The following RDH11 variants were observed in gnomAD, a reference collection of about 807,000 sequenced individuals.
RDH11 encodes the protein retinol dehydrogenase 11.
Under a neutral mutation model 33.4 loss-of-function variants are expected in RDH11, and 19 were observed. That is an observed-to-expected ratio of 0.57 (90% CI 0.40 to 0.83). The LOEUF (loss-of-function observed/expected upper bound fraction) is 0.83, where lower values mean the gene tolerates loss of function less well. RDH11 is among the 40% of genes least tolerant of loss of function. RDH11 has a pLI of 0.00. For synonymous variants in RDH11, 154 were observed against 155.3 expected (o/e 0.99, Z 0.06); for missense variants, 353 against 389.0 (o/e 0.91, Z 0.78).
At chr14:67,691,659 T>C (rs2037752326) in intron 3 of RDH11, 1 of 166,190 alleles carries the variant, frequency 6.0e-6, no homozygotes, top group Non-Finnish European at 1.3e-5. Flanking sequence ...ACCTCTTTAT[T>C]GCATCTTCCA....
chr14:67,678,561 A>T, intron 6 of RDH11, 138 bp from the exon 7 acceptor site: 1 of 586,086 alleles, frequency 1.7e-6, no homozygotes, highest in Non-Finnish European at 3.0e-6. Flanking sequence ...GTTTGTCCTT[A>T]TCTCTTCATT....
Position 67,687,953 on chromosome 14 carries a change from G to C in RDH11, c.664+2259C>G, listed in dbSNP as rs1298206770. ...CACCTGGCTAATTTTTGTATTTTTA[G>C]TAGAGACAGGGCTTTCACCAAGTTG... On this transcript the variant is annotated intron_variant, in intron 5 of 6. Coordinates refer to ENST00000381346, the MANE Select transcript of RDH11 (RefSeq NM_016026.4). 4.6e-5 allele frequency among the ~76,000 whole-genome samples: 7 copies of C among 151,754 alleles called. No homozygotes were observed. In the South Asian group the frequency reaches 1.0e-3, roughly 23 times the overall value.
intron 5 of RDH11, 106 bp from the exon 6 acceptor site, chr14:67,685,310 C>G (rs2037664752): frequency 1.8e-5 from 15 of 833,996 alleles, no homozygotes; most frequent in Non-Finnish European, 2.8e-5. Context: ...CATATGGACT[C>G]TTTTGCCCAT....
At chr14:67,693,651 CTTT>C (rs368006456) in intron 1 of RDH11, among the ~76,000 whole-genome samples, 1 of 142,282 alleles carries the variant, frequency 7.0e-6, no homozygotes. Context: ...TTCTCTTTCT[CTTT>C]TTTTTTTTTT....
At chr14:67,686,522 C>T (rs1474352601) in intron 5 of RDH11, among the ~76,000 whole-genome samples, 2 of 151,788 alleles carry the variant, frequency 1.3e-5, no homozygotes, top group African/African-American at 4.8e-5. Context: ...ACCTGTAATC[C>T]CAGCTACTTG....
chr14:67,687,632 C>T (rs1034385072), intron 5 of RDH11, among the ~76,000 whole-genome samples: 18 of 151,824 alleles, frequency 1.2e-4, no homozygotes, highest in Admixed American at 8.5e-4. Flanking sequence ...CCAACATGCC[C>T]GGCTAATTTT....
chr14:67,695,678 A>G lies in RDH11; in HGVS notation c.26T>C (p.Leu9Ser). Residue 9 changes from leucine to serine, a missense_variant, in exon 1 of 7, where the codon TTG (leucine) becomes TCG (serine). Coordinates refer to ENST00000381346, the MANE Select transcript of RDH11 (RefSeq NM_016026.4). MVELMFPL[L>S]LLLLPFLLYM... Reference sequence around the variant, plus strand: ...CAGAAGGAAGGGCAGAAGGAGGAGCAACAGCGGGAACATGAGCTCAACCAT... The same window carrying G: ...CAGAAGGAAGGGCAGAAGGAGGAGCGACAGCGGGAACATGAGCTCAACCAT... 6.2e-7 allele frequency: 1 copy of G among 1,614,218 alleles called. No individual in the cohort carries two copies. Among genetic ancestry groups the G allele is most frequent in the Non-Finnish European group, 8.5e-7 (1 of 1,180,038 alleles).
chr14:67,690,005 G>A, intron 5 of RDH11: 1 of 552,052 alleles, frequency 1.8e-6, no homozygotes, highest in Non-Finnish European at 3.3e-6. Context: ...AGTAAAGCCA[G>A]GCCTTCAGAC....
chr14:67,694,356 T>G (rs1427945496), intron 1 of RDH11, among the ~76,000 whole-genome samples: 1 of 151,240 alleles, frequency 6.6e-6, no homozygotes, highest in Non-Finnish European at 1.5e-5. Context: ...CCAGCAGGAA[T>G]GAAAGAGACA....
chr14:67,692,678 TA>T (rs1368864635), intron 2 of RDH11, 85 bp from the exon 3 acceptor site: 3 of 1,461,830 alleles, frequency 2.1e-6, no homozygotes, highest in Non-Finnish European at 1.8e-6. Context: ...AACATTTTTT[TA>T]AAAAACACAC....
intron 3 of RDH11, 93 bp downstream of exon 3, chr14:67,692,345 A>C (rs576974492): frequency 2.4e-4 from 323 of 1,371,584 alleles, no homozygotes; most frequent in Non-Finnish European, 2.6e-4. Context: ...TTTATCCACC[A>C]CTTCTATGAG....
At position 67,692,637 on chromosome 14, in the gene RDH11, G is replaced by A. The variant is rs749874752; in HGVS notation, c.194-44C>T. Reference sequence around the variant, plus strand: ...AAGAGAAATGGTCAGCTCTGTTTTTGAGCTGGCATTATAAATCTAATGTTA... The same window carrying A: ...AAGAGAAATGGTCAGCTCTGTTTTTAAGCTGGCATTATAAATCTAATGTTA... On this transcript the variant is annotated intron_variant, in intron 2 of 6. Coordinates refer to ENST00000381346, the MANE Select transcript of RDH11 (RefSeq NM_016026.4). 4 of 1,509,480 alleles carry A rather than the reference G, an allele frequency of 2.6e-6. No individual in the cohort carries two copies. The East Asian group carries it at 7.1e-5, about 27-fold the overall frequency. 93.5% of individuals were successfully genotyped at this position (1,509,480 alleles called of 1,614,324 possible). A position where few individuals can be genotyped will look rare whatever the true frequency, so the allele number is the denominator to read the frequency against.
chr14:67,691,892 T>C (rs2037755147), intron 3 of RDH11: 1 of 154,192 alleles, frequency 6.5e-6, no homozygotes, highest in Non-Finnish European at 1.4e-5. Context: ...AATATCCTCA[T>C]ATCATTTGGT....
chr14:67,678,884 C>G (rs1465372996), intron 6 of RDH11, among the ~76,000 whole-genome samples: 1 of 151,614 alleles, frequency 6.6e-6, no homozygotes, highest in Non-Finnish European at 1.5e-5. Context: ...TGAAGTTATA[C>G]TGTTAGTAAA....
intron 6 of RDH11, 135 bp from the exon 7 acceptor site, chr14:67,678,558 C>G (rs1006187314): frequency 1.4e-5 from 8 of 589,786 alleles, no homozygotes; most frequent in Non-Finnish European, 2.4e-5. Context: ...AGTGTTTGTC[C>G]TTATCTCTTC....
At chr14:67,690,461 G>A (rs200127581) in intron 4 of RDH11, 40 bp from the exon 5 acceptor site, 16 of 1,573,888 alleles carry the variant, frequency 1.0e-5, no homozygotes, top group Non-Finnish European at 1.3e-5. Flanking sequence ...TCAGGGCCAT[G>A]TAGGAATGAC....
Position 67,678,283 on chromosome 14 carries a change from T to C in RDH11, c.*38A>G. The C allele has an allele frequency of 8.0e-7, 1 of 1,254,154 alleles. No individual in the cohort carries two copies. Among genetic ancestry groups the C allele is most frequent in the Non-Finnish European group, 1.2e-6 (1 of 851,510 alleles). The allele number at this position is 1,254,154 out of a possible 1,614,324, so 77.7% of individuals were successfully genotyped here. A position where few individuals can be genotyped will look rare whatever the true frequency, so the allele number is the denominator to read the frequency against. ...TTTTGACAAGAAGTACTGTGTAGTCTGCTGCAGTCTTCTCTTGGGTCCAAC... is the reference window on the plus strand; with the variant it reads ...TTTTGACAAGAAGTACTGTGTAGTCCGCTGCAGTCTTCTCTTGGGTCCAAC... On this transcript the variant is annotated 3_prime_UTR_variant, in exon 7 of 7. Transcript: ENST00000381346.
At chr14:67,690,555 T>C (rs1454830655) in intron 4 of RDH11, 134 bp from the exon 5 acceptor site, 3 of 714,578 alleles carry the variant, frequency 4.2e-6, no homozygotes, top group African/African-American at 1.8e-5. Flanking sequence ...CATTATCAAC[T>C]AGAAAACAAG....
chr14:67,689,428 A>G (rs2037721168), intron 5 of RDH11, among the ~76,000 whole-genome samples: 2 of 152,176 alleles, frequency 1.3e-5, no homozygotes, highest in Non-Finnish European at 1.5e-5. Flanking sequence ...CTTCTCAAGC[A>G]TATATTTCCC....
Sources: gnomAD v4.1 joint callset for allele counts (sites outside exome capture counted in the v4.1 genomes callset) on GRCh38, gnomAD v4.1.1 for gene constraint, MANE v1.5 for transcripts, NCBI Gene and HGNC (gene_info 2026-07-23, HGNC 2026-07-21) for gene names.